Variants in UTP18 observed in about 807,000 individuals in gnomAD.
UTP18 encodes UTP18 small subunit processome component.
A neutral mutation model predicts 61.1 loss-of-function variants in UTP18; 36 were observed. The ratio of observed to expected loss-of-function variants is 0.59; its 90% CI spans 0.45 to 0.78. The LOEUF (loss-of-function observed/expected upper bound fraction) is 0.78. Among genes scored for constraint, UTP18 ranks in the 30% least tolerant of loss-of-function variants. UTP18 has a pLI of 0.00. For synonymous variants in UTP18, 282 were observed against 251.1 expected, an observed-to-expected ratio of 1.12 and a Z score of -1.16; for missense variants, 753 against 693.9, an observed-to-expected ratio of 1.09 and a Z score of -0.96.
Position 51,275,860 on chromosome 17 carries a change from C to T in UTP18, c.712-6C>T. 6.3e-7 allele frequency: 1 copy of T among 1,589,788 alleles called. No individual in the cohort carries two copies. Among genetic ancestry groups the T allele is most frequent in the Non-Finnish European group, 8.5e-7 (1 of 1,172,078 alleles). On this transcript the variant is annotated splice_region_variant and splice_polypyrimidine_tract_variant and intron_variant, in intron 5 of 13. Transcript: ENST00000225298. ...TTGATAAAATCCCAGCTTTCATTTCCTATAGATGAAGAACTGCCAGCATGC... is the reference window on the plus strand; with the variant it reads ...TTGATAAAATCCCAGCTTTCATTTCTTATAGATGAAGAACTGCCAGCATGC...
At chr17:51,269,024 C>T (rs546660282) in intron 4 of UTP18, 120 bp downstream of exon 4, 5 of 957,036 alleles carry the variant, frequency 5.2e-6, no homozygotes, top group East Asian at 2.8e-5. Context: ...CGGTAGCTCA[C>T]GCCTGTCATC....
chr17:51,287,450 T>G (rs1018772176), intron 10 of UTP18, among the ~76,000 whole-genome samples: 1 of 152,132 alleles, frequency 6.6e-6, no homozygotes, highest in African/African-American at 2.4e-5. Flanking sequence ...AGGATGTTTG[T>G]AATGTATTTG....
intron 11 of UTP18, among the ~76,000 whole-genome samples, chr17:51,290,593 T>C (rs1905215700): frequency 1.3e-5 from 2 of 152,182 alleles, no homozygotes; most frequent in South Asian, 4.1e-4. Flanking sequence ...ATATTAACCT[T>C]TTATCACTTT....
intron 4 of UTP18, 60 bp downstream of exon 4, chr17:51,268,964 T>C: frequency 1.3e-6 from 2 of 1,536,188 alleles, no homozygotes; most frequent in South Asian, 2.3e-5. Context: ...TTCGTTATTA[T>C]TTGAGCTTTC....
At chr17:51,285,440 C>T in intron 10 of UTP18, 72 bp downstream of exon 10, 1 of 1,544,722 alleles carries the variant, frequency 6.5e-7, no homozygotes, top group Admixed American at 1.8e-5. Flanking sequence ...ATTGAATATA[C>T]TAGGTGGTGC....
At chr17:51,279,393 A>G (rs1904836529) in intron 7 of UTP18, among the ~76,000 whole-genome samples, 1 of 152,252 alleles carries the variant, frequency 6.6e-6, no homozygotes, top group Admixed American at 6.5e-5. Flanking sequence ...AGTTGACTGT[A>G]TATACCTAGC....
intron 12 of UTP18, among the ~76,000 whole-genome samples, chr17:51,294,798 A>G (rs1041278131): frequency 1.3e-5 from 2 of 151,998 alleles, no homozygotes; most frequent in Non-Finnish European, 2.9e-5. Flanking sequence ...ACAATGGTTG[A>G]ACTAGTTTAC....
At chr17:51,292,876 A>C (rs1184839681) in intron 11 of UTP18, among the ~76,000 whole-genome samples, 1 of 152,232 alleles carries the variant, frequency 6.6e-6, no homozygotes, top group Non-Finnish European at 1.5e-5. Context: ...CTAAATCAGA[A>C]CAGTTTCACT....
chr17:51,280,290 A>G, intron 8 of UTP18, 99 bp from the exon 9 acceptor site: 1 of 1,382,644 alleles, frequency 7.2e-7, no homozygotes. Context: ...AAAGTTGAGT[A>G]GGTGCTAGAA....
intron 11 of UTP18, 32 bp downstream of exon 11, chr17:51,288,235 A>AT (rs57303510): frequency 1.3e-6 from 2 of 1,525,352 alleles, no homozygotes; most frequent in South Asian, 1.3e-5. Flanking sequence ...TATTATTGTT[A>AT]TTTTTTAAAT....
At chr17:51,288,417 G>T (rs1905167519) in intron 11 of UTP18, 2 of 530,108 alleles carry the variant, frequency 3.8e-6, no homozygotes, top group Non-Finnish European at 6.8e-6. Context: ...GTAAAGCTTT[G>T]CTGTCCATTC....
chr17:51,281,162 ATAT>A lies in UTP18; in HGVS notation c.1204+685_1204+687del, dbSNP rs1455395012. ...TCAAAATATATATATATATATATAT[ATAT>A]TTTTTTTAAACGAAAAGTTGTGTTT... is the stretch of plus-strand genomic sequence containing the variant. On this transcript the variant is annotated intron_variant, in intron 9 of 13. Transcript: ENST00000225298. Among the ~76,000 whole-genome samples the A allele has an allele frequency of 1.7e-3, 172 of 100,076 alleles. 1 individual carries two copies. The highest frequency in any genetic ancestry group is 6.3e-3 in the African/African-American group (161 of 25,376). 65.7% of individuals were successfully genotyped at this position (100,076 alleles called of 152,430 possible). A position where few individuals can be genotyped will look rare whatever the true frequency, so the allele number is the denominator to read the frequency against.
chr17:51,286,196 ACACTGGGGAAAAGATGGCTGTGTT>A (rs1391332925), intron 10 of UTP18, among the ~76,000 whole-genome samples: 1 of 152,212 alleles, frequency 6.6e-6, no homozygotes, highest in Non-Finnish European at 1.5e-5. Context: ...ATTGGTTATT[ACACTGGGGAAAAGATGGCTGTGTT>A]CTACTACTTG....
intron 9 of UTP18, among the ~76,000 whole-genome samples, chr17:51,284,412 G>A (rs1422054656): frequency 1.3e-5 from 2 of 151,856 alleles, no homozygotes; most frequent in Non-Finnish European, 2.9e-5. Context: ...TAAATAACTT[G>A]GTAATAGATA....
In UTP18 at chr17:51,268,822, A is replaced by G; in HGVS notation, c.555-15A>G. Reference sequence around the variant, plus strand: ...GTGGTTGCCATAAATATATTTTTCAAATATTTTTGCTTAGATTCCAACATG... The same window carrying G: ...GTGGTTGCCATAAATATATTTTTCAGATATTTTTGCTTAGATTCCAACATG... On this transcript the variant is annotated splice_polypyrimidine_tract_variant and intron_variant, in intron 3 of 13. Coordinates refer to ENST00000225298, the MANE Select transcript of UTP18 (RefSeq NM_016001.3). 6.2e-7 allele frequency: 1 copy of G among 1,612,614 alleles called. No homozygotes were observed. Among genetic ancestry groups the G allele is most frequent in the Non-Finnish European group, 8.5e-7 (1 of 1,178,858 alleles).
rs377167917 is a variant in UTP18, at chr17:51,260,661, G to A, written c.77G>A (p.Arg26Lys). The change falls in exon 1 of 14, where the codon AGG becomes AAG. Residue 26 changes from arginine (R) to lysine (K), a missense_variant. Coordinates refer to ENST00000225298, the MANE Select transcript of UTP18 (RefSeq NM_016001.3). Reference protein sequence around the residue: ...GAKPKRKPGMRPDWKAGAGPG... With the variant: ...GAKPKRKPGMKPDWKAGAGPG... ...AAGCCGAAGCGGAAGCCCGGAATGAGGCCGGACTGGAAAGCCGGAGCGGGG... is the reference window on the plus strand; with the variant it reads ...AAGCCGAAGCGGAAGCCCGGAATGAAGCCGGACTGGAAAGCCGGAGCGGGG... 1.2e-6 allele frequency: 2 copies of A among 1,612,188 alleles called. No homozygotes were observed. Among genetic ancestry groups the A allele is most frequent in the East Asian group, 2.2e-5 (1 of 44,828 alleles).
chr17:51,266,107 C>T (rs1053107168), intron 2 of UTP18, 75 bp from the exon 3 acceptor site: 1 of 1,140,058 alleles, frequency 8.8e-7, no homozygotes, highest in African/African-American at 1.6e-5. Context: ...ACATTTTTCT[C>T]CAAGTGCTAA....
chr17:51,275,525 C>G (rs1188431846), intron 5 of UTP18, among the ~76,000 whole-genome samples: 1 of 152,186 alleles, frequency 6.6e-6, no homozygotes, highest in African/African-American at 2.4e-5. Flanking sequence ...AAGTGAAAGT[C>G]TCTTAACACA....
At chr17:51,262,248 A>G (rs2055511001) in intron 1 of UTP18, among the ~76,000 whole-genome samples, 1 of 150,644 alleles carries the variant, frequency 6.6e-6, no homozygotes, top group Admixed American at 6.6e-5. Context: ...CGCCTGGCTA[A>G]TTTTTTTTTG....
Sources: allele counts gnomAD v4.1 joint callset (sites outside exome capture counted in the v4.1 genomes callset), GRCh38; gene constraint gnomAD v4.1.1; transcripts MANE v1.5; gene names NCBI Gene and HGNC (gene_info 2026-07-23, HGNC 2026-07-21).